The following ANKS1B variants were observed in gnomAD, a reference collection of about 807,000 sequenced individuals.
ANKS1B encodes ankyrin repeat and sterile alpha motif domain containing 1B.
Under a neutral mutation model 148.3 loss-of-function variants are expected in ANKS1B, and 36 were observed. The observed-to-expected ratio is 0.24, with a 90% CI of 0.19 to 0.32. ANKS1B has a LOEUF of 0.32. Among genes scored for constraint, ANKS1B ranks in the 10% least tolerant of loss-of-function variants. ANKS1B has a pLI of 1.00. For missense variants in ANKS1B, 1,157 were observed against 1,542.6 expected (o/e 0.75, Z 4.19); for synonymous variants, 542 against 560.8 (o/e 0.97, Z 0.47).
At chr12:99,538,173 T>C (rs2097091900) in intron 9 of ANKS1B, among the ~76,000 whole-genome samples, 1 of 152,180 alleles carries the variant, frequency 6.6e-6, no homozygotes, top group East Asian at 1.9e-4. Flanking sequence ...TGTAGTATAA[T>C]TTGAAGTCAG....
chr12:98,835,167 T>G (rs1044795527), intron 17 of ANKS1B, among the ~76,000 whole-genome samples: 1 of 151,980 alleles, frequency 6.6e-6, no homozygotes. Flanking sequence ...TGTGGTACAA[T>G]TGAGCTGATG....
chr12:99,571,090 T>C (rs985197841), intron 9 of ANKS1B, among the ~76,000 whole-genome samples: 10 of 152,118 alleles, frequency 6.6e-5, no homozygotes, highest in African/African-American at 2.4e-4. Context: ...ATTTTGTTCA[T>C]TATACAGACT....
rs530817215 is a variant in ANKS1B, at chr12:99,785,129, T to C, written c.670-3032A>G. 1.1e-4 allele frequency among the ~76,000 whole-genome samples: 16 copies of C among 151,896 alleles called. No individual in the cohort carries two copies. The South Asian group carries it at 2.5e-3, about 24-fold the overall frequency. On this transcript the variant is annotated intron_variant, in intron 4 of 26. Transcript: ENST00000683438. ...GAGTAGTGCAGGATAAGACTGATTC[T>C]GCCTTCAGGAAGCTCAAGGAAGATT...
At chr12:99,137,468 G>T (rs1478186447) in intron 15 of ANKS1B, among the ~76,000 whole-genome samples, 1 of 152,158 alleles carries the variant, frequency 6.6e-6, no homozygotes, top group Non-Finnish European at 1.5e-5. Context: ...AAACAGGGCT[G>T]AGGGTGTGGA....
chr12:99,094,543 T>A (rs77057063), intron 15 of ANKS1B, among the ~76,000 whole-genome samples: 1,695 of 152,134 alleles, frequency 0.011, 35 homozygotes, highest in African/African-American at 0.039. Context: ...GTGAGGAAAG[T>A]CTCTCTGAGA....
At chr12:99,690,520 A>T (rs1174044741) in intron 8 of ANKS1B, among the ~76,000 whole-genome samples, 7 of 152,192 alleles carry the variant, frequency 4.6e-5, no homozygotes, top group Admixed American at 4.6e-4. Flanking sequence ...GGGTAAATAT[A>T]GCCATTCCAA....
chr12:99,695,586 G>A (rs1017671180), intron 8 of ANKS1B, among the ~76,000 whole-genome samples: 3 of 152,022 alleles, frequency 2.0e-5, no homozygotes, highest in African/African-American at 7.2e-5. Flanking sequence ...TTTTTAAAGG[G>A]TCTACCTGGC....
chr12:99,166,859 C>A (rs1419672009), intron 14 of ANKS1B, among the ~76,000 whole-genome samples: 1 of 151,860 alleles, frequency 6.6e-6, no homozygotes, highest in African/African-American at 2.4e-5. Flanking sequence ...CTGACTTTAA[C>A]ACTTATTATA....
At chr12:99,702,933 T>G (rs537766283) in intron 8 of ANKS1B, among the ~76,000 whole-genome samples, 1 of 152,186 alleles carries the variant, frequency 6.6e-6, no homozygotes, top group East Asian at 1.9e-4. Context: ...TTAATCCACT[T>G]TCATTTGATT....
intron 12 of ANKS1B, among the ~76,000 whole-genome samples, chr12:99,338,660 T>C (rs1319635328): frequency 6.6e-6 from 1 of 152,132 alleles, no homozygotes; most frequent in Admixed American, 6.5e-5. Context: ...TGTCTCTGAG[T>C]CTCACAAGGC....
chr12:99,154,727 G>T lies in ANKS1B; in HGVS notation c.2420-332C>A, dbSNP rs552034253. On this transcript the variant is annotated intron_variant, in intron 14 of 26. Transcript: ENST00000683438. Reference sequence around the variant, plus strand: ...AAGCTGTCAGCTTGGGCTGGTCTGCGTTCTATGTGATTGTTGGAGTACTCC... The same window carrying T: ...AAGCTGTCAGCTTGGGCTGGTCTGCTTTCTATGTGATTGTTGGAGTACTCC... The T allele has an allele frequency of 9.4e-5, 135 of 1,439,786 alleles. No homozygotes were observed. In the African/African-American group the frequency reaches 1.6e-3, roughly 17 times the overall value. 89.2% of individuals were successfully genotyped at this position (1,439,786 alleles called of 1,614,324 possible). A position where few individuals can be genotyped will look rare whatever the true frequency, so the allele number is the denominator to read the frequency against.
chr12:99,291,831 C>T (rs1224481825), intron 12 of ANKS1B, among the ~76,000 whole-genome samples: 1 of 152,138 alleles, frequency 6.6e-6, no homozygotes, highest in Non-Finnish European at 1.5e-5. Flanking sequence ...TGGAACAGAA[C>T]AGAAGCCTCA....
At chr12:99,652,342 G>A (rs895777932) in intron 9 of ANKS1B, among the ~76,000 whole-genome samples, 5 of 151,780 alleles carry the variant, frequency 3.3e-5, no homozygotes, top group Admixed American at 6.6e-5. Flanking sequence ...GCATAGTGGC[G>A]CACCCCTGTA....
chr12:99,551,710 A>G (rs1199733515), intron 9 of ANKS1B, among the ~76,000 whole-genome samples: 1 of 152,210 alleles, frequency 6.6e-6, no homozygotes, highest in East Asian at 1.9e-4. Flanking sequence ...TCTTCATCAC[A>G]ATGGCCAATA....
At chr12:99,043,247 T>C (rs2099960240) in intron 17 of ANKS1B, among the ~76,000 whole-genome samples, 1 of 152,218 alleles carries the variant, frequency 6.6e-6, no homozygotes, top group East Asian at 1.9e-4. Flanking sequence ...GACACTGTTA[T>C]TCAAATTAAT....
intron 1 of ANKS1B, among the ~76,000 whole-genome samples, chr12:99,940,340 T>G (rs1454868186): frequency 6.6e-6 from 1 of 152,110 alleles, no homozygotes; most frequent in African/African-American, 2.4e-5. Flanking sequence ...GTATAACCTC[T>G]AGATACAATA....
Position 99,409,241 on chromosome 12 carries a change from C to T in ANKS1B, c.1576-9430G>A, listed in dbSNP as rs552522589. On this transcript the variant is annotated intron_variant, in intron 11 of 26. Transcript: ENST00000683438. Reference sequence around the variant, plus strand: ...AAGTCATTACGTTAAGTGAAATAAGCCAGGCACAGAAAGACAAACATTGCA... The same window carrying T: ...AAGTCATTACGTTAAGTGAAATAAGTCAGGCACAGAAAGACAAACATTGCA... Among the ~76,000 whole-genome samples the T allele has an allele frequency of 2.6e-5, 4 of 152,128 alleles. No homozygotes were observed. The East Asian group carries it at 7.7e-4, about 29-fold the overall frequency.
intron 17 of ANKS1B, among the ~76,000 whole-genome samples, chr12:98,899,774 G>GT (rs2099769622): frequency 6.6e-6 from 1 of 152,114 alleles, no homozygotes; most frequent in Non-Finnish European, 1.5e-5. Context: ...ATTAACTATA[G>GT]TATCTGTGAC....
At chr12:99,201,788 T>C (rs1337383685) in intron 14 of ANKS1B, among the ~76,000 whole-genome samples, 1 of 152,236 alleles carries the variant, frequency 6.6e-6, no homozygotes, top group African/African-American at 2.4e-5. Flanking sequence ...TAGCAAGGTT[T>C]ATTTTACAGT....
Sources: allele counts gnomAD v4.1 joint callset (sites outside exome capture counted in the v4.1 genomes callset), GRCh38; gene constraint gnomAD v4.1.1; transcripts MANE v1.5; gene names NCBI Gene and HGNC (gene_info 2026-07-23, HGNC 2026-07-21).